The following MOV10L1 variants were observed in gnomAD, a reference collection of about 807,000 sequenced individuals.
The protein encoded by MOV10L1 is Mov10 like RNA helicase 1.
Under a neutral mutation model 143.8 loss-of-function variants are expected in MOV10L1, and 110 were observed. The ratio of observed to expected loss-of-function variants is 0.76; its 90% confidence interval spans 0.66 to 0.90. The LOEUF (loss-of-function observed/expected upper bound fraction) is 0.90, where lower values mean the gene tolerates loss of function less well. MOV10L1 is among the 40% of genes least tolerant of loss of function. The pLI, the probability that MOV10L1 is intolerant of heterozygous loss-of-function variation, is 0.00. For missense variants in MOV10L1, 1,406 were observed against 1,526.8 expected, an observed-to-expected ratio of 0.92 and a Z score of 1.32; for synonymous variants, 593 against 581.1, an observed-to-expected ratio of 1.02 and a Z score of -0.29.
intron 9 of MOV10L1, among the ~76,000 whole-genome samples, chr22:50,117,996 C>T (rs986864479): frequency 2.0e-5 from 3 of 152,232 alleles, no homozygotes; most frequent in African/African-American, 2.4e-5. Flanking sequence ...ACTTTTCCTC[C>T]ATCGGCTATA....
intron 13 of MOV10L1, among the ~76,000 whole-genome samples, chr22:50,132,320 A>G (rs1311260457): frequency 1.3e-5 from 2 of 152,198 alleles, no homozygotes; most frequent in Non-Finnish European, 2.9e-5. Context: ...ATTTTAGGTC[A>G]TGTCAGTCTC....
At chr22:50,154,256 G>T (rs2063368319) in intron 22 of MOV10L1, among the ~76,000 whole-genome samples, 1 of 152,046 alleles carries the variant, frequency 6.6e-6, no homozygotes, top group African/African-American at 2.4e-5. Context: ...GCTTTCCTGG[G>T]TATCAGGAAA....
rs950673519 is a variant in MOV10L1, at chr22:50,158,329, G to A, written c.3216+123G>A. 4 of 1,223,954 alleles carry A rather than the reference G, an allele frequency of 3.3e-6. No homozygotes were observed. Among genetic ancestry groups the A allele is most frequent in the Non-Finnish European group, 3.4e-6 (3 of 886,186 alleles). 75.8% of individuals were successfully genotyped at this position (1,223,954 alleles called of 1,614,324 possible). ...GCAGCAGCAGGTTTTTAAAGGGGCAGGACCGCACTTGAATGTCGTTCAACA... is the reference window on the plus strand; with the variant it reads ...GCAGCAGCAGGTTTTTAAAGGGGCAAGACCGCACTTGAATGTCGTTCAACA... On this transcript the variant is annotated intron_variant, in intron 23 of 26. Coordinates refer to ENST00000262794, the MANE Select transcript of MOV10L1 (RefSeq NM_018995.3). The surrounding 1 kb of genome is among the most constrained non-coding windows in gnomAD (Gnocchi z 5.0).
chr22:50,124,478 G>T (rs558757916), intron 10 of MOV10L1, among the ~76,000 whole-genome samples: 10 of 152,236 alleles, frequency 6.6e-5, no homozygotes, highest in African/African-American at 2.2e-4. Flanking sequence ...TTTTCTTCCT[G>T]TTCTTGTGCT....
At chr22:50,153,442 A>C (rs969878197) in intron 22 of MOV10L1, among the ~76,000 whole-genome samples, 5 of 152,140 alleles carry the variant, frequency 3.3e-5, no homozygotes, top group African/African-American at 1.2e-4. Flanking sequence ...CACAGGCACC[A>C]CTCTCAGGTG....
chr22:50,096,348 T>G (rs2062589019), intron 2 of MOV10L1: 1 of 152,262 alleles, frequency 6.6e-6, no homozygotes, highest in Non-Finnish European at 1.5e-5. Flanking sequence ...TGGCTGAATA[T>G]TCCATTGTGT....
Position 50,158,894 on chromosome 22 carries a change from G to A in MOV10L1, c.3216+688G>A, listed in dbSNP as rs1000362338. On this transcript the variant is annotated intron_variant, in intron 23 of 26. Transcript: ENST00000262794. The surrounding 1 kb of genome is among the most constrained non-coding windows in gnomAD (Gnocchi z 5.0). Reference sequence around the variant, plus strand: ...TTATGTTTCCTTTTTTCTGACCTCGGGGACTCGAGAGGTGAGTGCTTAGTT... The same window carrying A: ...TTATGTTTCCTTTTTTCTGACCTCGAGGACTCGAGAGGTGAGTGCTTAGTT... The A allele has an allele frequency of 1.3e-5, 2 of 152,238 alleles. No homozygotes were observed. Among genetic ancestry groups the A allele is most frequent in the African/African-American group, 4.8e-5 (2 of 41,450 alleles). The allele number at this position is 152,238 out of a possible 1,614,324, so 9.4% of individuals were successfully genotyped here. A position where few individuals can be genotyped will look rare whatever the true frequency, so the allele number is the denominator to read the frequency against.
intron 3 of MOV10L1, among the ~76,000 whole-genome samples, chr22:50,105,802 C>G (rs925706390): frequency 6.6e-6 from 1 of 152,186 alleles, no homozygotes; most frequent in Non-Finnish European, 1.5e-5. Flanking sequence ...GCTGCCAGCC[C>G]CCAGTGTCCG....
At chr22:50,111,799 G>A (rs193152806) in intron 5 of MOV10L1, among the ~76,000 whole-genome samples, 163 of 152,204 alleles carry the variant, frequency 1.1e-3, no homozygotes, top group African/African-American at 3.8e-3. Context: ...CACCACGCCC[G>A]GCCCCGAGTC....
intron 19 of MOV10L1, among the ~76,000 whole-genome samples, chr22:50,146,480 C>T (rs541951764): frequency 2.7e-4 from 41 of 151,860 alleles, no homozygotes; most frequent in Middle Eastern, 6.8e-3. Flanking sequence ...GGGGTGGGGT[C>T]GGGGAGGCAG....
At chr22:50,150,229 T>C (rs989019974) in intron 20 of MOV10L1, among the ~76,000 whole-genome samples, 3 of 152,158 alleles carry the variant, frequency 2.0e-5, no homozygotes, top group Non-Finnish European at 2.9e-5. Context: ...CATTTCAGGG[T>C]CCTCCTTGGC....
intron 3 of MOV10L1, among the ~76,000 whole-genome samples, chr22:50,104,936 G>A (rs917337024): frequency 4.7e-5 from 7 of 149,550 alleles, no homozygotes; most frequent in Admixed American, 4.7e-4. Context: ...CTGTCATCCA[G>A]GCTGGAATGC....
chr22:50,108,581 C>G (rs1167096019), intron 4 of MOV10L1, 76 bp from the exon 5 acceptor site: 23 of 1,523,332 alleles, frequency 1.5e-5, no homozygotes, highest in Non-Finnish European at 2.1e-5. Context: ...TTTGGGCTGA[C>G]TTGGGCGTGT....
rs1035639072 is a variant in MOV10L1, at chr22:50,153,391, T to A, written c.3066+173T>A. Among the ~76,000 whole-genome samples the A allele has an allele frequency of 5.3e-5, 8 of 152,332 alleles. No homozygotes were observed. In the South Asian group the frequency reaches 1.5e-3, roughly 28 times the overall value. ...TGTGCCCCCCAAGATGGATGCTGACTTCTCCTGCCAGATGAGTTGTGCCTG... is the reference window on the plus strand; with the variant it reads ...TGTGCCCCCCAAGATGGATGCTGACATCTCCTGCCAGATGAGTTGTGCCTG... On this transcript the variant is annotated intron_variant, in intron 22 of 26. Transcript: ENST00000262794.
rs544202673 is a variant in MOV10L1 at position 50,161,495 on chromosome 22, C to T, written c.*46C>T. The stretch of plus-strand genomic sequence containing the variant: ...GGAGGCCATGTGCTCAGCCTGGCCA[C>T]GTTGCCGTTACAGTCTGCTCCGTGG... On this transcript the variant is annotated 3_prime_UTR_variant, in exon 27 of 27. Transcript: ENST00000262794. 3.5e-5 allele frequency: 53 copies of T among 1,534,678 alleles called. No homozygotes were observed. Among genetic ancestry groups the T allele is most frequent in the East Asian group, 1.2e-4 (5 of 41,248 alleles).
chr22:50,153,078 G>A lies in MOV10L1; in HGVS notation c.2926G>A (p.Glu976Lys), dbSNP rs756106532. The A allele has an allele frequency of 8.1e-6, 13 of 1,611,524 alleles. No homozygotes were observed. The highest frequency in any genetic ancestry group is 3.3e-5 in the Admixed American group (2 of 59,942). The change falls in exon 22 of 27, where the codon GAG becomes AAG. Residue 976 changes from glutamate (E) to lysine (K), a missense_variant. This residue lies in a region of MOV10L1 where 1,233 missense variants were observed against 1,351.4 expected (regional missense o/e 0.91). Coordinates refer to ENST00000262794, the MANE Select transcript of MOV10L1 (RefSeq NM_018995.3). ...GCTGGTGAAGAACTACCGGTCCCAC[G>A]AGGCCCTGCTGATGCTGCCCTCACG... is the stretch of plus-strand genomic sequence containing the variant. ...TKLVKNYRSH[E>K]ALLMLPSRLF...
At chr22:50,102,964 G>T (rs1648566327) in intron 3 of MOV10L1, among the ~76,000 whole-genome samples, 1 of 152,220 alleles carries the variant, frequency 6.6e-6, no homozygotes, top group South Asian at 2.1e-4. Flanking sequence ...GGTCGTGTCA[G>T]AGGACTAGAG....
At chr22:50,150,412 C>G (rs772344608) in intron 20 of MOV10L1, among the ~76,000 whole-genome samples, 7 of 152,234 alleles carry the variant, frequency 4.6e-5, no homozygotes, top group Non-Finnish European at 1.0e-4. Flanking sequence ...CGGCCAGGGC[C>G]AGCCATGCAG....
In MOV10L1 at chr22:50,090,069, G is replaced by A. The variant is rs887952542; in HGVS notation, c.-20G>A. 2.4e-6 allele frequency: 3 copies of A among 1,260,216 alleles called. No homozygotes were observed. The highest frequency in any genetic ancestry group is 3.3e-5 in the East Asian group (1 of 30,684). The allele number at this position is 1,260,216 out of a possible 1,614,324, so 78.1% of individuals were successfully genotyped here. On this transcript the variant is annotated 5_prime_UTR_variant, in exon 1 of 27. Coordinates refer to ENST00000262794, the MANE Select transcript of MOV10L1 (RefSeq NM_018995.3). ...GGCGGCGGCAGCGGCGGTGACGGCA[G>A]CCTAGGCCGGGCGAGGGCCATGCTG...
Sources: allele counts gnomAD v4.1 joint callset (sites outside exome capture counted in the v4.1 genomes callset), GRCh38; gene constraint gnomAD v4.1.1; regional missense constraint gnomAD v4.1.1; non-coding constraint Gnocchi (gnomAD v3.1); transcripts MANE v1.5; gene names NCBI Gene and HGNC (gene_info 2026-07-23, HGNC 2026-07-21).